The following PCDHA1 variants were observed in gnomAD, a reference collection of about 807,000 sequenced individuals.
PCDHA1 encodes the protein protocadherin alpha 1, also known as protocadherin alpha-1.
In PCDHA1, 42 loss-of-function variants were observed where a neutral mutation model predicts 61.3. That is an observed-to-expected ratio of 0.69 (90% CI 0.54 to 0.89). The LOEUF (loss-of-function observed/expected upper bound fraction) is 0.89. Ranked by LOEUF, PCDHA1 falls within the 40% of genes least tolerant of loss-of-function variation. The probability of loss-of-function intolerance (pLI) is 0.00; values close to 1 mark genes in which losing one functional copy is unlikely to be tolerated. For missense variants in PCDHA1, 1,256 were observed against 1,235.3 expected (o/e 1.02, Z -0.25); for synonymous variants, 610 against 553.8 (o/e 1.10, Z -1.43).
intron 1 of PCDHA1, among the ~76,000 whole-genome samples, chr5:140,890,896 T>A (rs2062845405): frequency 6.6e-6 from 1 of 152,182 alleles, no homozygotes; most frequent in African/African-American, 2.4e-5. Context: ...ATTATTGTCT[T>A]TCCATGTTAG....
At position 140,788,388 on chromosome 5, in the gene PCDHA1, C is replaced by T. The variant is rs1554118241; in HGVS notation, c.2098C>T (p.Leu700=). 1.9e-6 allele frequency: 3 copies of T among 1,614,102 alleles called. No homozygotes were observed. The highest frequency in any genetic ancestry group is 2.5e-6 in the Non-Finnish European group (3 of 1,179,988). ...GGCGCTGGTGGATGTCAACGTGTACCTGATCATCGCCATCTGCGCGGTGTC... is the reference window on the plus strand; with the variant it reads ...GGCGCTGGTGGATGTCAACGTGTACTTGATCATCGCCATCTGCGCGGTGTC... The part of the protein sequence containing the change: ...EAALVDVNVY[L]IIAICAVSSL... Residue 700 remains leucine, a synonymous_variant, in exon 1 of 4, where the codon CTG becomes TTG. Transcript: ENST00000504120.
intron 1 of PCDHA1, chr5:140,867,034 G>C (rs1398561687): frequency 6.6e-6 from 1 of 152,106 alleles, no homozygotes; most frequent in Non-Finnish European, 1.5e-5. Context: ...ACTCTTTTAT[G>C]ACTTGGCGTT....
chr5:140,851,181 A>G, intron 1 of PCDHA1: 2 of 1,246,750 alleles, frequency 1.6e-6, no homozygotes, highest in Middle Eastern at 6.4e-4. Flanking sequence ...ACACTTGAAA[A>G]CCAATTTAGT....
rs1761291570 is a variant in PCDHA1, at chr5:140,786,220, T to C, written c.-71T>C. ...CAGAAACGGTAAAGAGATAAATGAT[T>C]GGAAATATTAGATAAAATGGCATGA... On this transcript the variant is annotated 5_prime_UTR_variant, in exon 1 of 4. Coordinates refer to ENST00000504120, the MANE Select transcript of PCDHA1 (RefSeq NM_018900.4). 1 of 1,501,134 alleles carries C rather than the reference T, an allele frequency of 6.7e-7. No homozygotes were observed. The highest frequency in any genetic ancestry group is 1.4e-5 in the African/African-American group (1 of 71,450). The allele number at this position is 1,501,134 out of a possible 1,614,324, so 93.0% of individuals were successfully genotyped here. A position where few individuals can be genotyped will look rare whatever the true frequency, so the allele number is the denominator to read the frequency against.
At chr5:140,839,084 T>G (rs2150294627) in intron 1 of PCDHA1, among the ~76,000 whole-genome samples, 9 of 152,164 alleles carry the variant, frequency 5.9e-5, no homozygotes, top group South Asian at 2.1e-4. Context: ...AAAACCTGTC[T>G]GATAATCAAT....
chr5:140,791,252 C>T (rs950568751), intron 1 of PCDHA1, among the ~76,000 whole-genome samples: 34 of 152,186 alleles, frequency 2.2e-4, no homozygotes, highest in African/African-American at 8.0e-4. Context: ...TTTCCTTTGG[C>T]CAATGAAATG....
intron 3 of PCDHA1, among the ~76,000 whole-genome samples, chr5:141,000,417 A>ATT (rs1563652061): frequency 3.2e-4 from 25 of 77,724 alleles, no homozygotes; most frequent in African/African-American, 1.1e-3. Context: ...ATATATATAT[A>ATT]TATATTTTTT....
rs1157609210 is a variant in PCDHA1 at position 140,788,952 on chromosome 5, G to T, written c.2394+268G>T. On this transcript the variant is annotated intron_variant, in intron 1 of 3. Coordinates refer to ENST00000504120, the MANE Select transcript of PCDHA1 (RefSeq NM_018900.4). ...AATACAAGGTACAATAAAAGGTAATGTTGGTCATATTTAACACAATATCTC... is the reference window on the plus strand; with the variant it reads ...AATACAAGGTACAATAAAAGGTAATTTTGGTCATATTTAACACAATATCTC... 1.2e-5 allele frequency: 7 copies of T among 599,908 alleles called. No individual in the cohort carries two copies. The Admixed American group carries it at 2.3e-4, about 19-fold the overall frequency. 37.2% of individuals were successfully genotyped at this position (599,908 alleles called of 1,614,324 possible). A position where few individuals can be genotyped will look rare whatever the true frequency, so the allele number is the denominator to read the frequency against.
chr5:140,860,428 T>A (rs1198179293), intron 1 of PCDHA1: 8 of 152,144 alleles, frequency 5.3e-5, no homozygotes, highest in African/African-American at 1.4e-4. Context: ...ATCCTGCAAA[T>A]ATGATCTTTT....
chr5:140,797,274 G>A, intron 1 of PCDHA1: 4 of 1,614,232 alleles, frequency 2.5e-6, no homozygotes, highest in Non-Finnish European at 3.4e-6. Context: ...CGGACCTCAT[G>A]GCCTTCAGCC....
intron 1 of PCDHA1, chr5:140,926,610 C>A (rs2083401767): frequency 8.5e-6 from 3 of 352,484 alleles, no homozygotes; most frequent in African/African-American, 2.1e-5. Context: ...CTCGTCTCTG[C>A]ACCCCTAGGC....
At chr5:141,008,961 A>G (rs2098395078) in intron 3 of PCDHA1, among the ~76,000 whole-genome samples, 1 of 152,214 alleles carries the variant, frequency 6.6e-6, no homozygotes, top group Non-Finnish European at 1.5e-5. Context: ...ACATCCTAAT[A>G]CATTTATAGC....
Position 140,805,326 on chromosome 5 carries a change from G to GATCCA in PCDHA1, c.2394+16644_2394+16645insCCAAT, listed in dbSNP as rs1420387456. 7.2e-6 allele frequency: 9 copies of GATCCA among 1,251,672 alleles called. No individual in the cohort carries two copies. In the African/African-American group the frequency reaches 1.1e-4, roughly 15 times the overall value. The allele number at this position is 1,251,672 out of a possible 1,614,324, so 77.5% of individuals were successfully genotyped here. On this transcript the variant is annotated intron_variant, in intron 1 of 3. Coordinates refer to ENST00000504120, the MANE Select transcript of PCDHA1 (RefSeq NM_018900.4). ...CTTCCTCCTTTTTTCCAATGTGCTT[G>GATCCA]ATGTCAATGATCATTTTGTAAAAAT... is the stretch of plus-strand genomic sequence containing the variant.
chr5:140,966,603 G>T, intron 1 of PCDHA1: 1 of 656,454 alleles, frequency 1.5e-6, no homozygotes, highest in East Asian at 3.4e-5. Context: ...AGGAGCCCTT[G>T]GGAGGGCCTA....
chr5:140,862,447 G>C, intron 1 of PCDHA1: 1 of 362,296 alleles, frequency 2.8e-6, no homozygotes, highest in Non-Finnish European at 5.5e-6. Flanking sequence ...GTACTCCACA[G>C]CGCCCTGGAC....
In PCDHA1 at chr5:140,842,631, C is replaced by G; in HGVS notation, c.2394+53947C>G. 4 of 1,595,224 alleles carry G rather than the reference C, an allele frequency of 2.5e-6. 2 individuals are homozygous for G. The South Asian group carries it at 4.4e-5, about 18-fold the overall frequency. ...GACGGGGGCTCGCCTTCGCTGTGGG[C>G]CACCGCCAGCTTGTCTGTGGAGGTG... On this transcript the variant is annotated intron_variant, in intron 1 of 3. Transcript: ENST00000504120.
chr5:140,832,113 T>G (rs1554133464), intron 1 of PCDHA1, among the ~76,000 whole-genome samples: 1 of 152,230 alleles, frequency 6.6e-6, no homozygotes, highest in Non-Finnish European at 1.5e-5. Flanking sequence ...TAAAAGCAAT[T>G]TAAAATGTGT....
intron 3 of PCDHA1, among the ~76,000 whole-genome samples, chr5:141,008,176 C>T (rs2098363819): frequency 6.6e-6 from 1 of 152,032 alleles, no homozygotes; most frequent in East Asian, 1.9e-4. Context: ...AAAATGTGAC[C>T]ATTGATTGTG....
chr5:140,823,332 G>T (rs1767664494), intron 1 of PCDHA1: 1 of 1,612,026 alleles, frequency 6.2e-7, no homozygotes, highest in Non-Finnish European at 8.5e-7. Context: ...TGTACGCGCT[G>T]CAGCCGCTGG....
Sources: gnomAD v4.1 joint callset for allele counts (sites outside exome capture counted in the v4.1 genomes callset) on GRCh38, gnomAD v4.1.1 for gene constraint, MANE v1.5 for transcripts, NCBI Gene and HGNC (gene_info 2026-07-23, HGNC 2026-07-21) for gene names.